PGAP4: variants seen among roughly 807,000 people sequenced by gnomAD.
PGAP4 encodes post-GPI attachment to proteins GalNAc transferase 4, also known as GPI-N-acetylgalactosamine transferase PGAP4.
A neutral mutation model predicts 28.2 loss-of-function variants in PGAP4; 12 were observed. That is an observed-to-expected ratio of 0.42 (90% confidence interval 0.27 to 0.69). The LOEUF is 0.69. PGAP4 is among the 30% of genes least tolerant of loss of function. The pLI, the probability that PGAP4 is intolerant of heterozygous loss-of-function variation, is 0.22. For missense variants in PGAP4, 425 were observed against 513.5 expected, an observed-to-expected ratio of 0.83 and a Z score of 1.67; for synonymous variants, 205 against 211.8, an observed-to-expected ratio of 0.97 and a Z score of 0.28.
At chr9:101,521,326 G>A (rs1228562146) in intron 2 of PGAP4, among the ~76,000 whole-genome samples, 1 of 152,100 alleles carries the variant, frequency 6.6e-6, no homozygotes, top group Non-Finnish European at 1.5e-5. Context: ...ATTCTGCTGT[G>A]AATCCATGTG....
At chr9:101,514,041 T>C (rs1826922121) in intron 2 of PGAP4, among the ~76,000 whole-genome samples, 1 of 151,636 alleles carries the variant, frequency 6.6e-6, no homozygotes, top group Non-Finnish European at 1.5e-5. Flanking sequence ...AGGCCCCCAG[T>C]TGATTGGATG....
At chr9:101,485,323 A>AAT (rs1033649622) in intron 1 of PGAP4, among the ~76,000 whole-genome samples, 93 of 152,134 alleles carry the variant, frequency 6.1e-4, no homozygotes, top group African/African-American at 2.1e-3. Context: ...GCACCACTTA[A>AAT]ATATATATAT....
chr9:101,499,657 G>T (rs992215136), intron 2 of PGAP4, among the ~76,000 whole-genome samples: 8 of 152,068 alleles, frequency 5.3e-5, no homozygotes, highest in African/African-American at 1.7e-4. Flanking sequence ...GCATAAGGTT[G>T]CAATGGCCTT....
In PGAP4 at chr9:101,529,153, CTT is replaced by C. The variant is rs36069212; in HGVS notation, c.-165+2193_-165+2194del. 9.8e-3 allele frequency among the ~76,000 whole-genome samples: 1,277 copies of C among 130,478 alleles called. 8 individuals carry two copies. Among genetic ancestry groups the C allele is most frequent in the Non-Finnish European group, 0.014 (867 of 61,292 alleles). 85.6% of individuals were successfully genotyped at this position (130,478 alleles called of 152,430 possible). A position where few individuals can be genotyped will look rare whatever the true frequency, so the allele number is the denominator to read the frequency against. On this transcript the variant is annotated intron_variant, in intron 2 of 3. Coordinates refer to the PGAP4 transcript ENST00000374851. ...TTTATAGCTGCATGGTGTCTCTCGG[CTT>C]TTTTTTTTTTTTTTCTTGAAATGGA... is the stretch of plus-strand genomic sequence containing the variant.
rs561072237 is a variant in PGAP4 at position 101,482,493 on chromosome 9, C to T, written c.-78+4456G>A. On this transcript the variant is annotated intron_variant, in intron 1 of 1. Coordinates refer to ENST00000374848, the MANE Select transcript of PGAP4 (RefSeq NM_032342.3). ...CCTTTGTCAGGCATAGGACACTGTGCAAATGATGGTGATGTTTTACTTGAT... is the reference window on the plus strand; with the variant it reads ...CCTTTGTCAGGCATAGGACACTGTGTAAATGATGGTGATGTTTTACTTGAT... 2.2e-3 allele frequency among the ~76,000 whole-genome samples: 341 copies of T among 152,278 alleles called. 9 individuals carry two copies. Among genetic ancestry groups the T allele is most frequent in the Non-Finnish European group, 8.4e-4 (57 of 68,012 alleles).
chr9:101,518,751 A>T (rs957453239), intron 2 of PGAP4, among the ~76,000 whole-genome samples: 1 of 152,186 alleles, frequency 6.6e-6, no homozygotes, highest in Admixed American at 6.5e-5. Context: ...CAATTTTTCA[A>T]TTGTGAATTG....
chr9:101,495,161 T>A (rs545762282), intron 2 of PGAP4, among the ~76,000 whole-genome samples: 1,159 of 98,136 alleles, frequency 0.012, 11 homozygotes, highest in Non-Finnish European at 0.02. Flanking sequence ...TATTATATAT[T>A]TTATATATAT....
At chr9:101,478,038 T>G (rs1826377600) in intron 1 of PGAP4, among the ~76,000 whole-genome samples, 1 of 152,190 alleles carries the variant, frequency 6.6e-6, no homozygotes, top group Non-Finnish European at 1.5e-5. Flanking sequence ...CTCATATTGG[T>G]GTGAATCCTA....
chr9:101,476,276 C>T lies in PGAP4; in HGVS notation c.817G>A (p.Gly273Arg). ...LEWVGVGMLL[G>R]PLLTWIYMRF... ...ATGTATATCCAGGTTAGTAAGGGCC[C>T]CAGCAACATGCCTACACCAACCCAT... Residue 273 changes from glycine (G) to arginine (R), a missense_variant, in exon 2 of 2, where the codon GGG (glycine) becomes AGG (arginine). Coordinates refer to ENST00000374848, the MANE Select transcript of PGAP4 (RefSeq NM_032342.3). This position sits in a 1 kb window ranked among gnomAD's most constrained non-coding sequence, Gnocchi z 7.0. 1 of 1,614,132 alleles carries T rather than the reference C, an allele frequency of 6.2e-7. No individual in the cohort carries two copies. The highest frequency in any genetic ancestry group is 8.5e-7 in the Non-Finnish European group (1 of 1,180,018).
At chr9:101,513,237 G>A (rs1826913059) in intron 2 of PGAP4, among the ~76,000 whole-genome samples, 1 of 152,004 alleles carries the variant, frequency 6.6e-6, no homozygotes, top group South Asian at 2.1e-4. Context: ...ATCTGCAATT[G>A]CTCATAAACC....
chr9:101,502,627 T>A (rs1826813774), intron 2 of PGAP4, among the ~76,000 whole-genome samples: 1 of 152,180 alleles, frequency 6.6e-6, no homozygotes, highest in East Asian at 1.9e-4. Flanking sequence ...AAAAGAAGAA[T>A]ACATTGTGTG....
At chr9:101,521,834 TG>T (rs1291328339) in intron 2 of PGAP4, among the ~76,000 whole-genome samples, 1 of 152,186 alleles carries the variant, frequency 6.6e-6, no homozygotes, top group African/African-American at 2.4e-5. Flanking sequence ...TTGATCTTTT[TG>T]ATGTAGGTAT....
At chr9:101,480,367 T>C (rs1826449491) in intron 1 of PGAP4, among the ~76,000 whole-genome samples, 1 of 151,708 alleles carries the variant, frequency 6.6e-6, no homozygotes, top group Non-Finnish European at 1.5e-5. Flanking sequence ...GTTGTTGTTG[T>C]TTGTTTGTTT....
intron 2 of PGAP4, among the ~76,000 whole-genome samples, chr9:101,500,318 A>T (rs1190077500): frequency 6.6e-6 from 1 of 151,894 alleles, no homozygotes; most frequent in African/African-American, 2.4e-5. Flanking sequence ...TGTCTTTTTT[A>T]GTTTTTAGGG....
chr9:101,533,455 T>C (rs566861139), upstream of PGAP4: 4 of 152,352 alleles, frequency 2.6e-5, no homozygotes, highest in East Asian at 1.9e-4. Flanking sequence ...CAACGAACAA[T>C]TTTCTGAGGT....
Position 101,474,631 on chromosome 9 carries a change from C to G in PGAP4, c.*1250G>C, listed in dbSNP as rs534285250. 6.6e-6 allele frequency: 1 copy of G among 152,328 alleles called. No homozygotes were observed. Among genetic ancestry groups the G allele is most frequent in the African/African-American group, 2.4e-5 (1 of 41,570 alleles). 9.4% of individuals were successfully genotyped at this position (152,328 alleles called of 1,614,324 possible). The stretch of plus-strand genomic sequence containing the variant: ...AATGAAAAGTCAGTCTTTATTCTAG[C>G]AGGGCTTGGTCATCTGGAATAGCTG... On this transcript the variant is annotated 3_prime_UTR_variant, in exon 2 of 2. Transcript: ENST00000374848.
chr9:101,490,228 C>T (rs180703608), upstream of PGAP4, among the ~76,000 whole-genome samples: 26 of 152,154 alleles, frequency 1.7e-4, no homozygotes, highest in African/African-American at 5.5e-4. Context: ...CTCAGTCTGT[C>T]GCCGAGGCTG....
intron 2 of PGAP4, among the ~76,000 whole-genome samples, chr9:101,505,728 A>C (rs1230436613): frequency 6.6e-6 from 1 of 152,072 alleles, no homozygotes; most frequent in Non-Finnish European, 1.5e-5. Context: ...AAACCTAGGG[A>C]AGCTTTCTTC....
intron 2 of PGAP4, among the ~76,000 whole-genome samples, chr9:101,523,865 T>C (rs1827010065): frequency 6.6e-6 from 1 of 151,954 alleles, no homozygotes; most frequent in South Asian, 2.1e-4. Flanking sequence ...TTGGGTAGGC[T>C]CTGTCAGAGG....
Sources: allele counts gnomAD v4.1 joint callset (sites outside exome capture counted in the v4.1 genomes callset), GRCh38; gene constraint gnomAD v4.1.1; non-coding constraint Gnocchi (gnomAD v3.1); transcripts MANE v1.5; gene names NCBI Gene and HGNC (gene_info 2026-07-23, HGNC 2026-07-21).